Variants in FRAS1 observed in about 807,000 individuals in gnomAD.
FRAS1 encodes the protein extracellular matrix organizing protein FRAS1.
In FRAS1, 290 loss-of-function variants were observed where a neutral mutation model predicts 435.2. That is an observed-to-expected ratio of 0.67 (90% CI 0.61 to 0.73). FRAS1 has a LOEUF of 0.73. Ranked by LOEUF, FRAS1 falls within the 30% of genes least tolerant of loss-of-function variation. FRAS1 has a pLI of 0.00. For synonymous variants in FRAS1, 1,800 were observed against 1,851.0 expected (o/e 0.97, Z 0.71); for missense variants, 4,860 against 5,001.5 (o/e 0.97, Z 0.85).
At chr4:78,447,009 C>T (rs1157325324) in intron 43 of FRAS1, 129 bp downstream of exon 43, 1 of 901,484 alleles carries the variant, frequency 1.1e-6, no homozygotes. Context: ...AAAGTGTAAT[C>T]AAATTCACAG....
At position 78,236,450 on chromosome 4, in the gene FRAS1, C is replaced by G. The variant is rs1454516527; in HGVS notation, c.109-1060C>G. The stretch of plus-strand genomic sequence containing the variant: ...CACCTGAGCAGTGTACACTTTTAAA[C>G]CAGAGAATAACATGGACAGCACTCT... On this transcript the variant is annotated intron_variant, in intron 2 of 73. Transcript: ENST00000512123. 2.0e-5 allele frequency among the ~76,000 whole-genome samples: 3 copies of G among 152,044 alleles called. No individual in the cohort carries two copies. The East Asian group carries it at 5.8e-4, about 29-fold the overall frequency.
intron 30 of FRAS1, among the ~76,000 whole-genome samples, chr4:78,401,202 T>G (rs1464100257): frequency 6.6e-6 from 1 of 152,202 alleles, no homozygotes; most frequent in East Asian, 1.9e-4. Flanking sequence ...TCAGTTTAAT[T>G]TCAAAGGTCA....
At chr4:78,382,736 C>T (rs956494929) in intron 27 of FRAS1, among the ~76,000 whole-genome samples, 1 of 152,146 alleles carries the variant, frequency 6.6e-6, no homozygotes, top group Non-Finnish European at 1.5e-5. Context: ...TATACAGTTT[C>T]GCAGTCTTGT....
intron 2 of FRAS1, among the ~76,000 whole-genome samples, chr4:78,074,524 T>C (rs957180254): frequency 2.0e-5 from 3 of 152,186 alleles, no homozygotes; most frequent in African/African-American, 7.2e-5. Flanking sequence ...AATACCAAGA[T>C]TAATAAGATA....
intron 2 of FRAS1, among the ~76,000 whole-genome samples, chr4:78,227,963 G>A (rs1447679576): frequency 6.6e-6 from 1 of 152,116 alleles, no homozygotes; most frequent in Non-Finnish European, 1.5e-5. Context: ...TTAAGTGCCT[G>A]CTATGTTTTA....
At chr4:78,321,679 A>G (rs1419285206) in intron 18 of FRAS1, among the ~76,000 whole-genome samples, 1 of 151,930 alleles carries the variant, frequency 6.6e-6, no homozygotes, top group East Asian at 1.9e-4. Flanking sequence ...CCCCATCTCT[A>G]CTAAAAATAC....
At chr4:78,506,716 C>T (rs577793035) in intron 61 of FRAS1, among the ~76,000 whole-genome samples, 8 of 150,962 alleles carry the variant, frequency 5.3e-5, no homozygotes, top group Middle Eastern at 3.4e-3. Context: ...TCGGGTGAGG[C>T]GACGCCCCTC....
chr4:78,421,823 G>T, intron 33 of FRAS1, 40 bp from the exon 34 acceptor site: 1 of 1,611,014 alleles, frequency 6.2e-7, no homozygotes, highest in African/African-American at 1.3e-5. Context: ...TCAGTGATGA[G>T]AATTACTGTT....
At chr4:78,456,253 G>T (rs2109839731) in intron 47 of FRAS1, among the ~76,000 whole-genome samples, 1 of 140,182 alleles carries the variant, frequency 7.1e-6, no homozygotes, top group East Asian at 2.1e-4. Flanking sequence ...AGTGATTCTT[G>T]TGCCTCAGCC....
intron 47 of FRAS1, among the ~76,000 whole-genome samples, chr4:78,461,263 T>C (rs898359875): frequency 2.0e-5 from 3 of 152,220 alleles, no homozygotes; most frequent in African/African-American, 4.8e-5. Context: ...AATAGGCATA[T>C]ATTACTTTCA....
At chr4:78,440,599 A>T (rs1206546997) in intron 40 of FRAS1, among the ~76,000 whole-genome samples, 2 of 152,214 alleles carry the variant, frequency 1.3e-5, no homozygotes, top group African/African-American at 4.8e-5. Context: ...TAGTTTGAGC[A>T]ACTGCTTTTA....
chr4:78,209,046 G>A (rs770120029), intron 2 of FRAS1, among the ~76,000 whole-genome samples: 3 of 152,140 alleles, frequency 2.0e-5, no homozygotes, highest in Non-Finnish European at 4.4e-5. Context: ...ATGGGAGGCT[G>A]AGGTGGGAGG....
At chr4:78,473,665 G>A in intron 53 of FRAS1, 68 bp downstream of exon 53, 1 of 1,280,784 alleles carries the variant, frequency 7.8e-7, no homozygotes, top group Non-Finnish European at 1.1e-6. Flanking sequence ...CAGGATGAAG[G>A]ATGCTGGGGG....
chr4:78,129,067 A>G (rs973579018), intron 2 of FRAS1, among the ~76,000 whole-genome samples: 2 of 152,048 alleles, frequency 1.3e-5, no homozygotes, highest in African/African-American at 2.4e-5. Context: ...ATAGTTGTAG[A>G]TATGCGGCAT....
chr4:78,521,646 T>G lies in FRAS1; in HGVS notation c.10648+16T>G, dbSNP rs1232693153. 2.0e-5 allele frequency: 8 copies of G among 391,454 alleles called. No individual in the cohort carries two copies. The highest frequency in any genetic ancestry group is 9.6e-5 in the East Asian group (1 of 10,382). The allele number at this position is 391,454 out of a possible 1,614,324, so 24.2% of individuals were successfully genotyped here. On this transcript the variant is annotated intron_variant, in intron 68 of 73. Transcript: ENST00000512123. ...AAATTCAGAGGTAATATCAATGCCG[T>G]TTTTTTTTTCCAACTTTTTATTAAG...
At chr4:78,375,099 T>C (rs533272892) in intron 25 of FRAS1, among the ~76,000 whole-genome samples, 1 of 152,332 alleles carries the variant, frequency 6.6e-6, no homozygotes, top group South Asian at 2.1e-4. Context: ...AATTAGGCAG[T>C]AAAAATGCTT....
At chr4:78,445,906 ATCTAAATT>A (rs1209631873) in intron 42 of FRAS1, 194 bp downstream of exon 42, 30 of 1,329,244 alleles carry the variant, frequency 2.3e-5, no homozygotes, top group Non-Finnish European at 2.7e-5. Context: ...TGAGTTAGAA[ATCTAAATT>A]TCCATTTCAG....
chr4:78,154,572 G>C (rs1209339656), intron 2 of FRAS1, among the ~76,000 whole-genome samples: 3 of 152,146 alleles, frequency 2.0e-5, no homozygotes, highest in African/African-American at 7.2e-5. Flanking sequence ...AGGTTCTAAA[G>C]AAACTCAGTT....
rs1724029612 is a variant in FRAS1 at position 78,221,027 on chromosome 4, A to C, written c.109-16483A>C. Among the ~76,000 whole-genome samples the C allele has an allele frequency of 2.6e-5, 4 of 152,012 alleles. No individual in the cohort carries two copies. The South Asian group carries it at 8.3e-4, about 32-fold the overall frequency. ...TACAAAAAATACAAAAATTAGCCAG[A>C]TGTGGTGGTGTGCACCTGTAGTCTC... On this transcript the variant is annotated intron_variant, in intron 2 of 73. Coordinates refer to ENST00000512123, the MANE Select transcript of FRAS1 (RefSeq NM_025074.7).
Sources: gnomAD v4.1 joint callset for allele counts (sites outside exome capture counted in the v4.1 genomes callset) on GRCh38, gnomAD v4.1.1 for gene constraint, MANE v1.5 for transcripts, NCBI Gene and HGNC (gene_info 2026-07-23, HGNC 2026-07-21) for gene names.